Variants in CNTNAP5 observed in about 807,000 individuals in gnomAD.
CNTNAP5 encodes the protein contactin-associated protein-like 5.
In CNTNAP5, 72 loss-of-function variants were observed where a neutral mutation model predicts 150.2. The ratio of observed to expected loss-of-function variants is 0.48; its 90% CI spans 0.40 to 0.58. The LOEUF (loss-of-function observed/expected upper bound fraction) is 0.58. Ranked by LOEUF, CNTNAP5 falls within the 20% of genes least tolerant of loss-of-function variation. The pLI, the probability that CNTNAP5 is intolerant of heterozygous loss-of-function variation, is 0.00. For missense variants in CNTNAP5, 1,636 were observed against 1,626.2 expected, an observed-to-expected ratio of 1.01 and a Z score of -0.10; for synonymous variants, 672 against 619.8, an observed-to-expected ratio of 1.08 and a Z score of -1.25.
chr2:124,861,715 C>T (rs934835696), intron 19 of CNTNAP5, among the ~76,000 whole-genome samples: 10 of 152,246 alleles, frequency 6.6e-5, no homozygotes, highest in Non-Finnish European at 4.4e-5. Flanking sequence ...TTTAAAACTT[C>T]GAGAGTAGTT....
At chr2:124,518,992 C>T (rs145462659) in intron 8 of CNTNAP5, among the ~76,000 whole-genome samples, 168 of 78,892 alleles carry the variant, frequency 2.1e-3, no homozygotes, top group African/African-American at 5.9e-3. Context: ...TAGCCTGGGC[C>T]GCAAAAAAAA....
chr2:124,169,751 C>T (rs1298303589), intron 1 of CNTNAP5, among the ~76,000 whole-genome samples: 1 of 152,162 alleles, frequency 6.6e-6, no homozygotes, highest in African/African-American at 2.4e-5. Context: ...ATTTAAGGCT[C>T]TTAGACTCAG....
At chr2:124,476,556 A>G (rs142910662) in intron 7 of CNTNAP5, among the ~76,000 whole-genome samples, 2 of 152,292 alleles carry the variant, frequency 1.3e-5, no homozygotes, top group African/African-American at 4.8e-5. Context: ...GGGGTTCCTC[A>G]TGATAGCTCA....
chr2:124,768,818 C>A (rs1397304839), intron 16 of CNTNAP5, among the ~76,000 whole-genome samples: 1 of 152,164 alleles, frequency 6.6e-6, no homozygotes, highest in African/African-American at 2.4e-5. Flanking sequence ...GGTTTTGAGG[C>A]ACAGGACATA....
At chr2:124,825,173 A>G (rs1202905655) in intron 19 of CNTNAP5, among the ~76,000 whole-genome samples, 1 of 152,186 alleles carries the variant, frequency 6.6e-6, no homozygotes, top group East Asian at 1.9e-4. Context: ...GCTATGGTCT[A>G]TCTACACTCT....
chr2:124,587,823 T>A (rs577714894), intron 11 of CNTNAP5, among the ~76,000 whole-genome samples: 1 of 152,272 alleles, frequency 6.6e-6, no homozygotes, highest in African/African-American at 2.4e-5. Flanking sequence ...TTGGGAAACA[T>A]TCTTAACTTA....
intron 3 of CNTNAP5, among the ~76,000 whole-genome samples, chr2:124,292,655 T>C (rs1688326449): frequency 6.6e-6 from 1 of 151,972 alleles, no homozygotes; most frequent in Non-Finnish European, 1.5e-5. Context: ...TATAATATTT[T>C]TATTAAAGAA....
intron 6 of CNTNAP5, among the ~76,000 whole-genome samples, chr2:124,470,832 T>C (rs919572898): frequency 7.9e-5 from 12 of 152,056 alleles, no homozygotes; most frequent in African/African-American, 2.7e-4. Context: ...GGAATCTTTT[T>C]CCCATTGCTT....
chr2:124,534,762 C>A (rs1695190574), intron 10 of CNTNAP5, among the ~76,000 whole-genome samples: 1 of 152,118 alleles, frequency 6.6e-6, no homozygotes, highest in African/African-American at 2.4e-5. Context: ...GAGCAGAGAT[C>A]ACTTTCATCT....
chr2:124,576,730 T>C (rs566248309), intron 11 of CNTNAP5, among the ~76,000 whole-genome samples: 44 of 152,324 alleles, frequency 2.9e-4, no homozygotes, highest in African/African-American at 9.4e-4. Context: ...TGTGGGAAAT[T>C]ATTCACCTTC....
chr2:124,419,065 C>T lies in CNTNAP5; in HGVS notation c.529+1475C>T, dbSNP rs1421658046. ...AGGAGAATGGCGTGAACCCGGGAAGCGGAGCTTGCAGTGAGCCGAGATTGC... is the reference window on the plus strand; with the variant it reads ...AGGAGAATGGCGTGAACCCGGGAAGTGGAGCTTGCAGTGAGCCGAGATTGC... On this transcript the variant is annotated intron_variant, in intron 4 of 23. Transcript: ENST00000682447. Among the ~76,000 whole-genome samples the T allele has an allele frequency of 2.9e-5, 4 of 135,616 alleles. 1 individual carries two copies. The highest frequency in any genetic ancestry group is 3.1e-5 in the Non-Finnish European group (2 of 65,286). 89.0% of individuals were successfully genotyped at this position (135,616 alleles called of 152,430 possible). A position where few individuals can be genotyped will look rare whatever the true frequency, so the allele number is the denominator to read the frequency against.
chr2:124,436,648 A>C (rs1430152369), intron 5 of CNTNAP5, among the ~76,000 whole-genome samples: 2 of 152,196 alleles, frequency 1.3e-5, no homozygotes, highest in Non-Finnish European at 2.9e-5. Flanking sequence ...TCTGAAAATA[A>C]GTGGAATATT....
chr2:124,794,505 T>C (rs949839283), intron 18 of CNTNAP5, among the ~76,000 whole-genome samples: 1 of 152,238 alleles, frequency 6.6e-6, no homozygotes, highest in African/African-American at 2.4e-5. Flanking sequence ...TAAACACATA[T>C]ATTGATTATT....
chr2:124,786,398 A>AGAAAGAAAGAGAAGGAAG (rs1553442119), intron 17 of CNTNAP5, among the ~76,000 whole-genome samples: 1 of 45,158 alleles, frequency 2.2e-5, no homozygotes, highest in Non-Finnish European at 4.1e-5. Context: ...AAAGAAAGAA[A>AGAAAGAAAGAGAAGGAAG]GAAGGAAGGA....
At chr2:124,657,605 A>G (rs62171285) in intron 13 of CNTNAP5, among the ~76,000 whole-genome samples, 1 of 152,060 alleles carries the variant, frequency 6.6e-6, no homozygotes, top group Non-Finnish European at 1.5e-5. Context: ...TCAAAATTAG[A>G]TTATATAACC....
chr2:124,221,867 G>C lies in CNTNAP5; in HGVS notation c.187+58G>C, dbSNP rs530936027. 4.8e-4 allele frequency: 520 copies of C among 1,072,866 alleles called. 1 individual carries two copies. Among genetic ancestry groups the C allele is most frequent in the Middle Eastern group, 3.4e-3 (17 of 4,976 alleles). 66.5% of individuals were successfully genotyped at this position (1,072,866 alleles called of 1,614,324 possible). A position where few individuals can be genotyped will look rare whatever the true frequency, so the allele number is the denominator to read the frequency against. On this transcript the variant is annotated intron_variant, in intron 2 of 23. Transcript: ENST00000682447. ...CACTAAATAATTACGTGGTGGGTAG[G>C]TGAAGGAGAGTGAGCACTCTCAGAC... is the stretch of plus-strand genomic sequence containing the variant.
chr2:124,291,562 G>A (rs1045080779), intron 3 of CNTNAP5, among the ~76,000 whole-genome samples: 4 of 150,634 alleles, frequency 2.7e-5, no homozygotes, highest in South Asian at 2.1e-4. Context: ...TTTTATATGC[G>A]TAGACCTATG....
chr2:124,510,281 ATATCTATATATCTATATATC>A (rs1199261206), intron 8 of CNTNAP5, among the ~76,000 whole-genome samples: 118 of 10,978 alleles, frequency 0.011, 15 homozygotes, highest in African/African-American at 0.021. Context: ...ATCTATATCT[ATATCTATATATCTATATATC>A]TATATATATA....
intron 13 of CNTNAP5, among the ~76,000 whole-genome samples, chr2:124,660,036 AAGGAAGAAAGGAAGG>A (rs1678550984): frequency 1.2e-5 from 1 of 82,970 alleles, no homozygotes; most frequent in Non-Finnish European, 2.6e-5. Context: ...GGAAGGAAGG[AAGGAAGAAAGGAAGG>A]AAGGAAGGAA....
Sources: allele counts gnomAD v4.1 joint callset (sites outside exome capture counted in the v4.1 genomes callset), GRCh38; gene constraint gnomAD v4.1.1; transcripts MANE v1.5; gene names NCBI Gene and HGNC (gene_info 2026-07-23, HGNC 2026-07-21).